The following FGF12 variants were observed in gnomAD, a reference collection of about 807,000 sequenced individuals.
FGF12 encodes fibroblast growth factor 12B.
A neutral mutation model predicts 23.6 loss-of-function variants in FGF12; 14 were observed. The ratio of observed to expected loss-of-function variants is 0.59; its 90% confidence interval spans 0.39 to 0.93. The LOEUF (loss-of-function observed/expected upper bound fraction) is 0.93, where lower values mean the gene tolerates loss of function less well. Among genes scored for constraint, FGF12 ranks in the 40% least tolerant of loss-of-function variants. FGF12 has a pLI of 0.00. For missense variants in FGF12, 175 were observed against 217.8 expected (o/e 0.80, Z 1.24); for synonymous variants, 62 against 77.3 (o/e 0.80, Z 1.04).
rs375807100 is a variant in FGF12, at chr3:192,489,009, C to T, written c.14-128471G>A. Among the ~76,000 whole-genome samples the T allele has an allele frequency of 7.9e-5, 12 of 152,104 alleles. 1 individual carries two copies. The highest frequency in any genetic ancestry group is 5.2e-4 in the Admixed American group (8 of 15,248). ...TTATGATAGGATGCTTTAATTTATGCATCATAGAAATCTCTTTACACCACT... is the reference window on the plus strand; with the variant it reads ...TTATGATAGGATGCTTTAATTTATGTATCATAGAAATCTCTTTACACCACT... On this transcript the variant is annotated intron_variant, in intron 2 of 5. Transcript: ENST00000445105.
chr3:192,643,908 G>A (rs185674904), intron 2 of FGF12, among the ~76,000 whole-genome samples: 28 of 152,192 alleles, frequency 1.8e-4, no homozygotes, highest in South Asian at 4.1e-4. Flanking sequence ...TTGATTTATC[G>A]GAAGTTTTCT....
chr3:192,515,942 C>G (rs1267771844), intron 2 of FGF12, among the ~76,000 whole-genome samples: 1 of 151,766 alleles, frequency 6.6e-6, no homozygotes, highest in Non-Finnish European at 1.5e-5. Context: ...TGTGGAATCT[C>G]AGGGCAAGAG....
At chr3:192,288,074 A>G (rs1012214927) in intron 4 of FGF12, among the ~76,000 whole-genome samples, 3 of 151,874 alleles carry the variant, frequency 2.0e-5, no homozygotes, top group East Asian at 1.9e-4. Flanking sequence ...AATAAAAAAA[A>G]TCTTCCAAAA....
At chr3:192,228,300 C>T (rs75322812) in intron 4 of FGF12, among the ~76,000 whole-genome samples, 1,852 of 152,176 alleles carry the variant, frequency 0.012, 36 homozygotes, top group East Asian at 0.051. Context: ...TTATAGATGA[C>T]ATGAGGCATG....
At chr3:192,719,661 A>C (rs1577140318) in intron 2 of FGF12, among the ~76,000 whole-genome samples, 1 of 135,032 alleles carries the variant, frequency 7.4e-6, no homozygotes, top group African/African-American at 3.0e-5. Flanking sequence ...AAATGTGTAA[A>C]TAGTCTAATT....
intron 2 of FGF12, among the ~76,000 whole-genome samples, chr3:192,389,599 C>T (rs1051865914): frequency 2.0e-5 from 3 of 152,176 alleles, no homozygotes; most frequent in African/African-American, 4.8e-5. Context: ...TTTAGATCAA[C>T]TCAACTTTAT....
At chr3:192,703,740 G>A (rs910150575) in intron 2 of FGF12, among the ~76,000 whole-genome samples, 3 of 152,208 alleles carry the variant, frequency 2.0e-5, no homozygotes, top group Admixed American at 2.0e-4. Context: ...AGTGGGAGGT[G>A]ATTGGATTGT....
At chr3:192,400,927 A>C (rs1000345866) in intron 2 of FGF12, among the ~76,000 whole-genome samples, 13 of 152,188 alleles carry the variant, frequency 8.5e-5, no homozygotes, top group Admixed American at 7.2e-4. Context: ...AGCCTAGACC[A>C]GTGGTTCTCA....
At chr3:192,535,211 T>G (rs960024321) in intron 2 of FGF12, among the ~76,000 whole-genome samples, 1 of 152,206 alleles carries the variant, frequency 6.6e-6, no homozygotes, top group Non-Finnish European at 1.5e-5. Flanking sequence ...GTTTTTCATA[T>G]TTGGTACTAG....
intron 4 of FGF12, among the ~76,000 whole-genome samples, chr3:192,300,649 AG>A (rs1386785759): frequency 6.6e-6 from 1 of 152,122 alleles, no homozygotes; most frequent in African/African-American, 2.4e-5. Context: ...TAAATTAAAA[AG>A]TATTATTCTA....
At chr3:192,221,185 T>C (rs1371479526) in intron 4 of FGF12, among the ~76,000 whole-genome samples, 2 of 152,228 alleles carry the variant, frequency 1.3e-5, no homozygotes, top group African/African-American at 2.4e-5. Context: ...GGTGACCTTT[T>C]CTGTTTGACA....
chr3:192,675,462 G>T (rs570494949), intron 2 of FGF12, among the ~76,000 whole-genome samples: 1 of 152,164 alleles, frequency 6.6e-6, no homozygotes, highest in East Asian at 1.9e-4. Flanking sequence ...AGACATTTTT[G>T]AGAGTACAAG....
At chr3:192,202,079 C>T (rs1717398799) in intron 4 of FGF12, among the ~76,000 whole-genome samples, 1 of 151,680 alleles carries the variant, frequency 6.6e-6, no homozygotes, top group African/African-American at 2.4e-5. Context: ...ATTCAGATGA[C>T]AAAAGTAAAT....
intron 4 of FGF12, among the ~76,000 whole-genome samples, chr3:192,185,153 C>T (rs1183653902): frequency 6.6e-6 from 1 of 152,214 alleles, no homozygotes; most frequent in Non-Finnish European, 1.5e-5. Flanking sequence ...ATCTCTTTCT[C>T]TTCTGACTCC....
chr3:192,616,767 T>C lies in FGF12; in HGVS notation c.13+110414A>G, dbSNP rs114549875. ...CTCATGTATATGAGAATGTCCTGTGTTGTTATTCTCTGCCTTCTGCTATCT... is the reference window on the plus strand; with the variant it reads ...CTCATGTATATGAGAATGTCCTGTGCTGTTATTCTCTGCCTTCTGCTATCT... On this transcript the variant is annotated intron_variant, in intron 2 of 5. Coordinates refer to ENST00000445105, the MANE Select transcript of FGF12 (RefSeq NM_004113.6). Among the ~76,000 whole-genome samples, 604 of 151,930 alleles carry C rather than the reference T, an allele frequency of 4.0e-3. 3 individuals carry two copies. The highest frequency in any genetic ancestry group is 0.014 in the African/African-American group (578 of 41,480).
rs115961073 is a variant in FGF12, at chr3:192,237,266, T to G, written c.229-66610A>C. On this transcript the variant is annotated intron_variant, in intron 4 of 5. Transcript: ENST00000445105. ...CCTTATTTCTAGCTGTCTTTAAGAT[T>G]TTTTTCTTCCACATTGGTTTCGAAG... 8.4e-3 allele frequency among the ~76,000 whole-genome samples: 1,274 copies of G among 152,258 alleles called. 10 individuals are homozygous for G. The highest frequency in any genetic ancestry group is 0.013 in the Non-Finnish European group (884 of 67,996).
chr3:192,467,416 G>T (rs1723042745), intron 2 of FGF12, among the ~76,000 whole-genome samples: 1 of 152,118 alleles, frequency 6.6e-6, no homozygotes, highest in Admixed American at 6.6e-5. Context: ...TAGTTTCCCA[G>T]CCTTACAGTA....
chr3:192,427,253 C>T (rs566265982), intron 2 of FGF12, among the ~76,000 whole-genome samples: 6 of 152,028 alleles, frequency 3.9e-5, no homozygotes, highest in South Asian at 2.1e-4. Context: ...TGGTGGCAAG[C>T]GCCCATAATC....
intron 2 of FGF12, among the ~76,000 whole-genome samples, chr3:192,561,463 A>T (rs559977210): frequency 6.6e-6 from 1 of 151,970 alleles, no homozygotes; most frequent in African/African-American, 2.4e-5. Context: ...CCTGGGTTCA[A>T]GCGATTCTCC....
Sources: allele counts gnomAD v4.1 joint callset (sites outside exome capture counted in the v4.1 genomes callset), GRCh38; gene constraint gnomAD v4.1.1; transcripts MANE v1.5; gene names NCBI Gene and HGNC (gene_info 2026-07-23, HGNC 2026-07-21).